Variants in GPR158 observed in about 807,000 individuals in gnomAD.
GPR158 encodes metabotropic glycine receptor.
Under a neutral mutation model 78.2 loss-of-function variants are expected in GPR158, and 30 were observed. The observed-to-expected ratio is 0.38, with a 90% CI of 0.29 to 0.52. GPR158 has a LOEUF of 0.52. GPR158 is among the 20% of genes least tolerant of loss of function. The probability of loss-of-function intolerance (pLI) is 0.83; values close to 1 mark genes in which losing one functional copy is unlikely to be tolerated. For missense variants in GPR158, 1,463 were observed against 1,523.5 expected, an observed-to-expected ratio of 0.96 and a Z score of 0.66; for synonymous variants, 581 against 591.1, an observed-to-expected ratio of 0.98 and a Z score of 0.25.
chr10:25,518,241 T>C (rs1219842823), intron 5 of GPR158, among the ~76,000 whole-genome samples: 2 of 86,230 alleles, frequency 2.3e-5, no homozygotes, highest in Admixed American at 2.1e-4. Flanking sequence ...TTTTTTATTG[T>C]GTCTATTTGA....
chr10:25,241,172 T>TCTTTC (rs1554787124), intron 2 of GPR158, among the ~76,000 whole-genome samples: 2 of 116,278 alleles, frequency 1.7e-5, no homozygotes, highest in African/African-American at 8.2e-5. Flanking sequence ...TTTCTTTCTT[T>TCTTTC]CTTTCTTTCT....
At chr10:25,375,469 T>A (rs1207286590) in intron 2 of GPR158, among the ~76,000 whole-genome samples, 1 of 128,172 alleles carries the variant, frequency 7.8e-6, no homozygotes, top group Non-Finnish European at 1.8e-5. Flanking sequence ...TTTTTCTCTT[T>A]TTTTTCTACA....
chr10:25,259,622 G>A (rs1164409455), intron 2 of GPR158, among the ~76,000 whole-genome samples: 2 of 151,988 alleles, frequency 1.3e-5, no homozygotes, highest in Admixed American at 6.6e-5. Context: ...AAATCATATT[G>A]TCAAGTTCCA....
intron 2 of GPR158, among the ~76,000 whole-genome samples, chr10:25,292,418 T>C (rs975120510): frequency 1.3e-5 from 2 of 152,038 alleles, no homozygotes; most frequent in Non-Finnish European, 2.9e-5. Context: ...GAATGGATAC[T>C]TTTTTTTCTT....
intron 2 of GPR158, among the ~76,000 whole-genome samples, chr10:25,293,588 A>G (rs1021980907): frequency 6.6e-6 from 1 of 152,068 alleles, no homozygotes; most frequent in Non-Finnish European, 1.5e-5. Context: ...TAGACCCAAT[A>G]TTTTTCTGGG....
chr10:25,427,324 C>G (rs1428923533), intron 4 of GPR158, among the ~76,000 whole-genome samples: 2 of 152,034 alleles, frequency 1.3e-5, no homozygotes, highest in Admixed American at 6.6e-5. Context: ...TCCTGCCACC[C>G]TCTTTTACTC....
intron 7 of GPR158, among the ~76,000 whole-genome samples, chr10:25,580,623 G>A (rs765176037): frequency 1.8e-4 from 27 of 152,286 alleles, no homozygotes; most frequent in Admixed American, 3.3e-4. Flanking sequence ...GTATCTGACA[G>A]ATTAACGTTC....
intron 5 of GPR158, among the ~76,000 whole-genome samples, chr10:25,544,859 C>T (rs2130707019): frequency 6.6e-6 from 1 of 152,186 alleles, no homozygotes; most frequent in South Asian, 2.1e-4. Flanking sequence ...CCCTCTGCTA[C>T]CCCCCAACCC....
In GPR158 at chr10:25,412,331, G is replaced by A. The variant is rs766598222; in HGVS notation, c.1193G>A (p.Gly398Asp). The change falls in exon 4 of 11, where the codon GGC (glycine) becomes GAC (aspartate). Residue 398 changes from glycine (G) to aspartate (D), a missense_variant. Gly to Asp is a moderately conservative substitution (Grantham distance 94). Transcript: ENST00000376351. Reference protein sequence around the residue: ...EAYVCLPCREGCPFCADDSPC... With the variant: ...EAYVCLPCREDCPFCADDSPC... ...TATGTCTGCCTACCTTGCAGGGAGG[G>A]CTGCCCCTTCTGTGCTGATGACAGC... 6.2e-7 allele frequency: 1 copy of A among 1,613,824 alleles called. No individual in the cohort carries two copies.
chr10:25,365,862 A>G (rs904174017), intron 2 of GPR158, among the ~76,000 whole-genome samples: 1 of 151,634 alleles, frequency 6.6e-6, no homozygotes, highest in African/African-American at 2.4e-5. Context: ...AGGCCTCCTT[A>G]TGTCCCCTAC....
intron 2 of GPR158, among the ~76,000 whole-genome samples, chr10:25,383,482 G>T (rs1275214145): frequency 6.6e-6 from 1 of 152,134 alleles, no homozygotes; most frequent in African/African-American, 2.4e-5. Context: ...AGGCACAAGG[G>T]GGGTTTCGTT....
chr10:25,465,919 T>A (rs543383301), intron 4 of GPR158, among the ~76,000 whole-genome samples: 1 of 152,290 alleles, frequency 6.6e-6, no homozygotes, highest in African/African-American at 2.4e-5. Context: ...GGGACTTCCT[T>A]AAAGGGACTT....
At chr10:25,220,927 A>G in intron 1 of GPR158, 125 bp from the exon 2 acceptor site, 1 of 613,462 alleles carries the variant, frequency 1.6e-6, no homozygotes, top group Non-Finnish European at 2.9e-6. Flanking sequence ...TTGGTTGAAT[A>G]TGAGTAGGCA....
At chr10:25,592,575 C>G (rs1404893898) in intron 8 of GPR158, among the ~76,000 whole-genome samples, 1 of 151,918 alleles carries the variant, frequency 6.6e-6, no homozygotes, top group African/African-American at 2.4e-5. Context: ...CCTTAAAAAC[C>G]TGGCAGTAAT....
chr10:25,502,520 C>T (rs955111110), intron 5 of GPR158, among the ~76,000 whole-genome samples: 2 of 152,160 alleles, frequency 1.3e-5, no homozygotes, highest in Non-Finnish European at 2.9e-5. Context: ...GTCCTCCAAA[C>T]ACTGAAAATA....
At chr10:25,594,804 T>C (rs1463181174) in intron 9 of GPR158, among the ~76,000 whole-genome samples, 1 of 152,106 alleles carries the variant, frequency 6.6e-6, no homozygotes, top group East Asian at 1.9e-4. Context: ...AAATAAATTA[T>C]TACATATAGA....
At chr10:25,401,836 C>T (rs974400262) in intron 3 of GPR158, among the ~76,000 whole-genome samples, 3 of 151,898 alleles carry the variant, frequency 2.0e-5, no homozygotes, top group African/African-American at 4.8e-5. Context: ...TTTTTGCTTC[C>T]GTGTTTTCTT....
chr10:25,384,612 A>AT (rs201335858), intron 2 of GPR158, among the ~76,000 whole-genome samples: 59 of 151,616 alleles, frequency 3.9e-4, no homozygotes, highest in African/African-American at 1.2e-3. Context: ...TATTTATTTG[A>AT]TTTTTTTTTC....
intron 4 of GPR158, among the ~76,000 whole-genome samples, chr10:25,458,167 A>T (rs559569097): frequency 1.2e-4 from 18 of 152,294 alleles, no homozygotes; most frequent in African/African-American, 4.3e-4. Context: ...GTTCACCTAT[A>T]AATTATGCTG....
Sources: gnomAD v4.1 joint callset for allele counts (sites outside exome capture counted in the v4.1 genomes callset) on GRCh38, gnomAD v4.1.1 for gene constraint, MANE v1.5 for transcripts, NCBI Gene and HGNC (gene_info 2026-07-23, HGNC 2026-07-21) for gene names.